Variants in RNF149 observed in about 807,000 individuals in gnomAD.
RNF149 encodes the protein E3 ubiquitin-protein ligase RNF149.
RNF149 carries 21 observed loss-of-function variants against 39.0 expected under a neutral mutation model. That is an observed-to-expected ratio of 0.54 (90% confidence interval 0.38 to 0.77). RNF149 has a LOEUF of 0.77. Among genes scored for constraint, RNF149 ranks in the 30% least tolerant of loss-of-function variants. The pLI, the probability that RNF149 is intolerant of heterozygous loss-of-function variation, is 0.00. For missense variants in RNF149, 493 were observed against 534.9 expected, an observed-to-expected ratio of 0.92 and a Z score of 0.77; for synonymous variants, 209 against 213.6, an observed-to-expected ratio of 0.98 and a Z score of 0.19.
chr2:101,289,143 C>A (rs149187857), intron 3 of RNF149, 88 bp from the exon 4 acceptor site: 1 of 741,704 alleles, frequency 1.3e-6, no homozygotes, highest in African/African-American at 1.8e-5. Context: ...AAAACAATGA[C>A]GAATTCCCTT....
rs539871150 is a variant in RNF149 at position 101,289,761 on chromosome 2, C to T, written c.781-706G>A. ...CTTACCGTGTTGCTCAGGCTGGTCT[C>T]GAACTCCTGGACTCAAGCAATCCTC... On this transcript the variant is annotated intron_variant, in intron 3 of 6. Coordinates refer to ENST00000295317, the MANE Select transcript of RNF149 (RefSeq NM_173647.4). 3.3e-5 allele frequency among the ~76,000 whole-genome samples: 5 copies of T among 151,824 alleles called. 1 individual carries two copies. Among genetic ancestry groups the T allele is most frequent in the South Asian group, 4.2e-4 (2 of 4,806 alleles).
In RNF149 at chr2:101,308,417, C is replaced by G; in HGVS notation, c.172G>C (p.Val58Leu). 3 of 1,611,336 alleles carry G rather than the reference C, an allele frequency of 1.9e-6. No homozygotes were observed. Among genetic ancestry groups the G allele is most frequent in the Non-Finnish European group, 2.5e-6 (3 of 1,179,314 alleles). Reference protein sequence around the residue: ...DPQTNLTVWSVSESGRFGDSS... With the variant: ...DPQTNLTVWSLSESGRFGDSS... ...TCGCCGAAGCGGCCACTCTCCGAGA[C>G]GCTCCACACCGTCAGGTTGGTCTGC... Residue 58 changes from valine to leucine, a missense_variant, in exon 1 of 7, where the codon GTC becomes CTC. By Grantham distance (32) the Val-to-Leu change is conservative (BLOSUM62 1). Coordinates refer to ENST00000295317, the MANE Select transcript of RNF149 (RefSeq NM_173647.4).
At chr2:101,303,690 A>G (rs1176663366) in intron 1 of RNF149, among the ~76,000 whole-genome samples, 1 of 151,736 alleles carries the variant, frequency 6.6e-6, no homozygotes, top group East Asian at 1.9e-4. Flanking sequence ...TTTCTTTTTT[A>G]ATTTTATTCT....
rs549347398 is a variant in RNF149 at position 101,297,081 on chromosome 2, C to T, written c.461-1900G>A. On this transcript the variant is annotated intron_variant, in intron 1 of 6. Transcript: ENST00000295317. ...AAAATTAGCTAGGTGTGGTGGTGGG[C>T]GTCTGTAATCCTAGCTACTCAGGAG... 1.1e-3 allele frequency among the ~76,000 whole-genome samples: 165 copies of T among 152,026 alleles called. 2 individuals carry two copies. The highest frequency in any genetic ancestry group is 1.9e-3 in the Non-Finnish European group (131 of 67,988).
chr2:101,282,128 G>C, intron 5 of RNF149, 71 bp from the exon 6 acceptor site: 1 of 1,578,092 alleles, frequency 6.3e-7, no homozygotes, highest in Non-Finnish European at 8.6e-7. Flanking sequence ...GTATCATCTG[G>C]CTCGTAATTC....
intron 6 of RNF149, chr2:101,281,359 T>C (rs1682577096): frequency 6.5e-6 from 1 of 154,540 alleles, no homozygotes; most frequent in African/African-American, 2.4e-5. Flanking sequence ...CAGAAAAACA[T>C]CTGGAAAGGT....
chr2:101,304,413 A>G (rs1296525304), intron 1 of RNF149, among the ~76,000 whole-genome samples: 1 of 152,122 alleles, frequency 6.6e-6, no homozygotes, highest in East Asian at 1.9e-4. Flanking sequence ...AAAACAAAAC[A>G]AAACAAAAGC....
Position 101,276,994 on chromosome 2 carries a change from T to C in RNF149, c.*244A>G, listed in dbSNP as rs940789818. On this transcript the variant is annotated 3_prime_UTR_variant, in exon 7 of 7. Transcript: ENST00000295317. ...GTACCTGCCCCAGTTGTCTTTGTAA[T>C]AGTCTGAAGCAACACACTGTTCATG... 2 of 1,219,222 alleles carry C rather than the reference T, an allele frequency of 1.6e-6. No homozygotes were observed. Among genetic ancestry groups the C allele is most frequent in the Non-Finnish European group, 2.1e-6 (2 of 968,026 alleles). The allele number at this position is 1,219,222 out of a possible 1,614,324, so 75.5% of individuals were successfully genotyped here. A position where few individuals can be genotyped will look rare whatever the true frequency, so the allele number is the denominator to read the frequency against.
chr2:101,275,431 C>CTTTTTTTTTTT, downstream of RNF149, among the ~76,000 whole-genome samples: 1 of 26,580 alleles, frequency 3.8e-5, no homozygotes, highest in Non-Finnish European at 6.4e-5. Context: ...CCTAGTATTT[C>CTTTTTTTTTTT]TTTTTTTTTT....
chr2:101,278,384 C>T (rs192042473), intron 6 of RNF149, among the ~76,000 whole-genome samples: 1 of 152,122 alleles, frequency 6.6e-6, no homozygotes, highest in South Asian at 2.1e-4. Context: ...GCAATCTGCT[C>T]CCTGCCACCC....
rs557591270 is a variant in RNF149, at chr2:101,293,773, C to T, written c.780+241G>A. 1.1e-4 allele frequency among the ~76,000 whole-genome samples: 16 copies of T among 152,328 alleles called. No homozygotes were observed. In the East Asian group the frequency reaches 3.1e-3, roughly 29 times the overall value. ...GGAATGTAAGAGCTGTCCAGGAGGG[C>T]AGCAACCAGCCACTGTGGCTCCCAA... On this transcript the variant is annotated intron_variant, in intron 3 of 6. Coordinates refer to ENST00000295317, the MANE Select transcript of RNF149 (RefSeq NM_173647.4).
chr2:101,274,052 T>C (rs1354303794), downstream of RNF149, among the ~76,000 whole-genome samples: 1 of 152,060 alleles, frequency 6.6e-6, no homozygotes, highest in Non-Finnish European at 1.5e-5. Context: ...ACAGTATTTT[T>C]TTTTTTTTTT....
At chr2:101,281,634 G>A (rs1318865812) in intron 6 of RNF149, 20 of 536,410 alleles carry the variant, frequency 3.7e-5, no homozygotes, top group Non-Finnish European at 4.7e-5. Context: ...CTGAGTAGCT[G>A]GGACTACAGG....
intron 6 of RNF149, among the ~76,000 whole-genome samples, chr2:101,280,204 G>T: frequency 9.6e-6 from 1 of 104,348 alleles, no homozygotes; most frequent in East Asian, 3.4e-4. Flanking sequence ...TAATAATAAT[G>T]ATGATGATGA....
In RNF149 at chr2:101,276,321, A is replaced by G; in HGVS notation, c.*917T>C. 1 of 985,752 alleles carries G rather than the reference A, an allele frequency of 1.0e-6. No individual in the cohort carries two copies. Among genetic ancestry groups the G allele is most frequent in the South Asian group, 4.7e-5 (1 of 21,290 alleles). 61.1% of individuals were successfully genotyped at this position (985,752 alleles called of 1,614,324 possible). A position where few individuals can be genotyped will look rare whatever the true frequency, so the allele number is the denominator to read the frequency against. On this transcript the variant is annotated 3_prime_UTR_variant, in exon 7 of 7. Transcript: ENST00000295317. ...TGACCCAAAAGAACAGCAAGCAAGTAAAAAAGAAGAAACGGTTAAGCAAGG... is the reference window on the plus strand; with the variant it reads ...TGACCCAAAAGAACAGCAAGCAAGTGAAAAAGAAGAAACGGTTAAGCAAGG...
At chr2:101,280,131 G>A (rs1345799383) in intron 6 of RNF149, among the ~76,000 whole-genome samples, 2 of 151,546 alleles carry the variant, frequency 1.3e-5, no homozygotes, top group Non-Finnish European at 2.9e-5. Context: ...AGCTGAGATC[G>A]TGTCACTGCA....
At chr2:101,274,858 C>T (rs1211725102), downstream of RNF149, among the ~76,000 whole-genome samples, 3 of 152,194 alleles carry the variant, frequency 2.0e-5, no homozygotes, top group African/African-American at 7.2e-5. Context: ...ACGATCTCGG[C>T]TCACCGCAAC....
chr2:101,290,555 GAATA>G (rs1404086360), intron 3 of RNF149, among the ~76,000 whole-genome samples: 2 of 152,078 alleles, frequency 1.3e-5, no homozygotes, highest in Admixed American at 1.3e-4. Flanking sequence ...AATAAAAAGA[GAATA>G]AATATAAATA....
rs1378738040 is a variant in RNF149 at position 101,308,651 on chromosome 2, A to G, written c.-63T>C. ...ACGCGCGAGTGCGGTGCAGTCGAAG[A>G]GCAGAGAGAAGCGGACACCCACCGC... On this transcript the variant is annotated 5_prime_UTR_variant, in exon 1 of 7. Coordinates refer to ENST00000295317, the MANE Select transcript of RNF149 (RefSeq NM_173647.4). 4.4e-6 allele frequency: 6 copies of G among 1,368,126 alleles called. No individual in the cohort carries two copies. Among genetic ancestry groups the G allele is most frequent in the African/African-American group, 3.1e-5 (2 of 65,160 alleles). The allele number at this position is 1,368,126 out of a possible 1,614,324, so 84.7% of individuals were successfully genotyped here. A position where few individuals can be genotyped will look rare whatever the true frequency, so the allele number is the denominator to read the frequency against.
Sources: gnomAD v4.1 joint callset for allele counts (sites outside exome capture counted in the v4.1 genomes callset) on GRCh38, gnomAD v4.1.1 for gene constraint, MANE v1.5 for transcripts, NCBI Gene and HGNC (gene_info 2026-07-23, HGNC 2026-07-21) for gene names.